Variants in GRIN3A observed in about 807,000 individuals in gnomAD.
The protein encoded by GRIN3A is glutamate receptor ionotropic, NMDA 3A.
GRIN3A carries 47 observed loss-of-function variants against 92.4 expected under a neutral mutation model. The ratio of observed to expected loss-of-function variants is 0.51; its 90% CI spans 0.40 to 0.65. GRIN3A has a LOEUF of 0.65. Among genes scored for constraint, GRIN3A ranks in the 30% least tolerant of loss-of-function variants. GRIN3A has a pLI of 0.00. For synonymous variants in GRIN3A, 527 were observed against 540.6 expected, an observed-to-expected ratio of 0.97 and a Z score of 0.35; for missense variants, 1,324 against 1,393.1, an observed-to-expected ratio of 0.95 and a Z score of 0.79.
At chr9:101,605,514 A>G (rs1251925070) in intron 6 of GRIN3A, among the ~76,000 whole-genome samples, 1 of 152,208 alleles carries the variant, frequency 6.6e-6, no homozygotes, top group African/African-American at 2.4e-5. Flanking sequence ...AAACTACCTC[A>G]TAACGAGGTT....
intron 6 of GRIN3A, among the ~76,000 whole-genome samples, chr9:101,600,012 G>A (rs1828190996): frequency 1.3e-5 from 2 of 152,138 alleles, no homozygotes; most frequent in Admixed American, 6.5e-5. Context: ...ATACTGAAAT[G>A]GTGTTTAATG....
rs765244132 is a variant in GRIN3A, at chr9:101,737,371, C to G, written c.609G>C (p.Gln203His). Reference sequence around the variant, plus strand: ...CCAAGTCGAGCTCCATCATTTCGCCCTGGCTCTGGGGGAAGGCGAGCAGCG... The same window carrying G: ...CCAAGTCGAGCTCCATCATTTCGCCGTGGCTCTGGGGGAAGGCGAGCAGCG... ...VSALLAFPQS[Q>H]GEMMELDLVS... Residue 203 changes from glutamine (Q) to histidine (H), a missense_variant, in exon 1 of 9, where the codon CAG becomes CAC. Physicochemically the swap from Gln to His is conservative, Grantham distance 24 (BLOSUM62 0). Transcript: ENST00000361820. The G allele has an allele frequency of 1.2e-6, 2 of 1,614,262 alleles. No individual in the cohort carries two copies. The highest frequency in any genetic ancestry group is 1.1e-5 in the South Asian group (1 of 91,086).
chr9:101,637,184 C>A (rs1465685914), intron 3 of GRIN3A, among the ~76,000 whole-genome samples: 1 of 152,128 alleles, frequency 6.6e-6, no homozygotes, highest in African/African-American at 2.4e-5. Context: ...GCTCCGCCTC[C>A]TGGGTTCGCA....
chr9:101,597,140 T>C (rs1423784458), intron 6 of GRIN3A, among the ~76,000 whole-genome samples: 2 of 152,178 alleles, frequency 1.3e-5, no homozygotes, highest in Non-Finnish European at 2.9e-5. Flanking sequence ...GTTAAGACTT[T>C]GGGGATTTTA....
chr9:101,725,217 GA>G (rs765854809), intron 1 of GRIN3A, among the ~76,000 whole-genome samples: 7 of 152,202 alleles, frequency 4.6e-5, no homozygotes, highest in Non-Finnish European at 8.8e-5. Context: ...GGAATGGCAT[GA>G]AGCTCAGGGC....
At chr9:101,606,424 T>C (rs1828282290) in intron 6 of GRIN3A, among the ~76,000 whole-genome samples, 1 of 152,154 alleles carries the variant, frequency 6.6e-6, no homozygotes, top group Admixed American at 6.5e-5. Flanking sequence ...CGGATGGCTG[T>C]ACCCCTGGTC....
intron 1 of GRIN3A, among the ~76,000 whole-genome samples, chr9:101,720,218 C>A (rs532987333): frequency 2.6e-5 from 4 of 152,178 alleles, no homozygotes; most frequent in Non-Finnish European, 5.9e-5. Flanking sequence ...AGAATTGAAG[C>A]TAGGAGTATG....
At chr9:101,599,134 C>T (rs1564123000) in intron 6 of GRIN3A, among the ~76,000 whole-genome samples, 1 of 152,224 alleles carries the variant, frequency 6.6e-6, no homozygotes, top group Admixed American at 6.5e-5. Context: ...CCAGCCTCAA[C>T]ATCCTCATCT....
At chr9:101,630,010 G>T (rs988020421) in intron 3 of GRIN3A, among the ~76,000 whole-genome samples, 1 of 152,144 alleles carries the variant, frequency 6.6e-6, no homozygotes, top group Non-Finnish European at 1.5e-5. Context: ...TTATCCTTAT[G>T]CCTTGAACCC....
chr9:101,697,014 A>G (rs1415645), intron 1 of GRIN3A, among the ~76,000 whole-genome samples: 21,346 of 152,174 alleles, frequency 0.14, 1,790 homozygotes, highest in South Asian at 0.28. Flanking sequence ...TTGGTTTATC[A>G]CTTCAGAATA....
chr9:101,734,920 C>T (rs1830183468), intron 1 of GRIN3A, among the ~76,000 whole-genome samples: 1 of 151,840 alleles, frequency 6.6e-6, no homozygotes, highest in Non-Finnish European at 1.5e-5. Context: ...TAGATTAAGT[C>T]AATTTTATTT....
intron 2 of GRIN3A, among the ~76,000 whole-genome samples, chr9:101,683,878 G>C (rs1213716388): frequency 6.7e-6 from 1 of 148,458 alleles, no homozygotes; most frequent in African/African-American, 2.5e-5. Context: ...GAGAGAGAGA[G>C]AGCGAGAGAG....
intron 1 of GRIN3A, among the ~76,000 whole-genome samples, chr9:101,708,643 G>A (rs1054570903): frequency 3.3e-5 from 5 of 152,134 alleles, no homozygotes; most frequent in African/African-American, 1.2e-4. Flanking sequence ...TTGGCTAAGA[G>A]ATCCAGAATT....
intron 1 of GRIN3A, among the ~76,000 whole-genome samples, chr9:101,708,732 G>A (rs952110358): frequency 1.5e-4 from 23 of 152,262 alleles, no homozygotes; most frequent in Non-Finnish European, 2.9e-4. Flanking sequence ...TCTATGGCTA[G>A]CCTGACATTT....
In GRIN3A at chr9:101,687,024, A is replaced by G; in HGVS notation, c.876T>C (p.Gly292=). The G allele has an allele frequency of 6.2e-7, 1 of 1,614,038 alleles. No homozygotes were observed. The highest frequency in any genetic ancestry group is 8.5e-7 in the Non-Finnish European group (1 of 1,179,936). ...GGTTAGCGGTGATGTTGATGATAGA[A>G]CCAAGGTGGAACTTGGAATTATTCT... is the stretch of plus-strand genomic sequence containing the variant. The part of the protein sequence containing the change: ...LTQNNSKFHL[G]SIINITANLP... The change falls in exon 2 of 9, where the codon GGT becomes GGC. Residue 292 remains glycine (G), a synonymous_variant. Transcript: ENST00000361820.
chr9:101,612,165 CTTT>C (rs1260274011), intron 6 of GRIN3A, among the ~76,000 whole-genome samples: 5 of 152,162 alleles, frequency 3.3e-5, no homozygotes, highest in Non-Finnish European at 7.3e-5. Flanking sequence ...AGTTAGGAGA[CTTT>C]TATAGTGGTC....
rs534729546 is a variant in GRIN3A, at chr9:101,725,373, A to G, written c.699+11908T>C. On this transcript the variant is annotated intron_variant, in intron 1 of 8. Coordinates refer to ENST00000361820, the MANE Select transcript of GRIN3A (RefSeq NM_133445.3). ...TCAAAAGAATTGATGCAAGAAGGTA[A>G]TGTGACAATAAGAAGGAAGAATGGG... 8.5e-5 allele frequency among the ~76,000 whole-genome samples: 13 copies of G among 152,332 alleles called. No homozygotes were observed. The South Asian group carries it at 2.7e-3, about 32-fold the overall frequency.
At chr9:101,657,430 T>C (rs1056829319) in intron 3 of GRIN3A, among the ~76,000 whole-genome samples, 8 of 152,104 alleles carry the variant, frequency 5.3e-5, no homozygotes, top group African/African-American at 1.9e-4. Flanking sequence ...TTGGTGACTA[T>C]GGATTATTTC....
intron 7 of GRIN3A, 151 bp from the exon 8 acceptor site, chr9:101,577,995 T>C: frequency 1.5e-6 from 1 of 654,006 alleles, no homozygotes; most frequent in South Asian, 1.7e-5. Flanking sequence ...TAGATCAACA[T>C]TCAGCCTCAA....
Sources: allele counts gnomAD v4.1 joint callset (sites outside exome capture counted in the v4.1 genomes callset), GRCh38; gene constraint gnomAD v4.1.1; transcripts MANE v1.5; gene names NCBI Gene and HGNC (gene_info 2026-07-23, HGNC 2026-07-21).